Variants in PIGK observed in about 807,000 individuals in gnomAD.
PIGK encodes GPI-anchor transamidase.
In PIGK, 42 loss-of-function variants were observed where a neutral mutation model predicts 50.6. The ratio of observed to expected loss-of-function variants is 0.83; its 90% CI spans 0.65 to 1.07. The LOEUF is 1.07. Among genes scored for constraint, PIGK ranks in the 50% least tolerant of loss-of-function variants. The pLI, the probability that PIGK is intolerant of heterozygous loss-of-function variation, is 0.00. For synonymous variants in PIGK, 151 were observed against 156.0 expected, an observed-to-expected ratio of 0.97 and a Z score of 0.24; for missense variants, 448 against 488.7, an observed-to-expected ratio of 0.92 and a Z score of 0.78.
chr1:77,104,701 C>T (rs11162272), intron 10 of PIGK, among the ~76,000 whole-genome samples: 26,726 of 152,120 alleles, frequency 0.18, 2,544 homozygotes, highest in East Asian at 0.36. Flanking sequence ...GCAACACAGG[C>T]ACCCTGTTTA....
At chr1:77,185,040 C>A (rs965647849) in intron 3 of PIGK, among the ~76,000 whole-genome samples, 1 of 152,148 alleles carries the variant, frequency 6.6e-6, no homozygotes, top group Non-Finnish European at 1.5e-5. Context: ...AACCAAGTGG[C>A]GACTCCAATT....
intron 3 of PIGK, among the ~76,000 whole-genome samples, chr1:77,191,054 C>T (rs776666282): frequency 3.9e-5 from 6 of 152,304 alleles, no homozygotes; most frequent in South Asian, 4.1e-4. Flanking sequence ...CATTGCTTAA[C>T]TCCCCACTAA....
chr1:77,117,626 T>C (rs187859230), intron 10 of PIGK, among the ~76,000 whole-genome samples: 2 of 152,330 alleles, frequency 1.3e-5, no homozygotes, highest in East Asian at 3.9e-4. Context: ...GGCTGGTTCT[T>C]ATAGGGCTCC....
At chr1:77,147,672 AAG>A (rs1159754711) in intron 9 of PIGK, among the ~76,000 whole-genome samples, 1 of 152,208 alleles carries the variant, frequency 6.6e-6, no homozygotes, top group Non-Finnish European at 1.5e-5. Flanking sequence ...TTTGAAGAGG[AAG>A]AGAGTTTATC....
intron 10 of PIGK, among the ~76,000 whole-genome samples, chr1:77,101,709 A>T (rs1054618245): frequency 3.9e-5 from 6 of 152,176 alleles, no homozygotes; most frequent in African/African-American, 1.4e-4. Flanking sequence ...GTCATAAATT[A>T]AAAAATATTC....
chr1:77,206,651 AC>A lies in PIGK; in HGVS notation c.227del (p.Gly76ValfsTer9). 1 of 1,592,310 alleles carries A rather than the reference AC, an allele frequency of 6.3e-7. No individual in the cohort carries two copies. Among genetic ancestry groups the A allele is most frequent in the Non-Finnish European group, 8.6e-7 (1 of 1,160,558 alleles). On this transcript the variant is annotated frameshift_variant, in exon 3 of 11. Coordinates refer to ENST00000370812, the MANE Select transcript of PIGK (RefSeq NM_005482.3). LOFTEE classifies it high-confidence loss of function. ...TTAAGGCTTCTTACCTGTCAGGAAT[AC>A]CTAGCCTCTTGACACTTCTATAAAC... Reference protein sequence around the residue: ...LSVYRSVKRLGIPDSHIVLML... With the variant: ...LSVYRSVKRLXIPDSHIVLML...
chr1:77,214,292 A>G (rs12401794), intron 1 of PIGK, among the ~76,000 whole-genome samples: 26,584 of 152,180 alleles, frequency 0.17, 2,518 homozygotes, highest in East Asian at 0.36. Flanking sequence ...ACAAAATACT[A>G]GCAAACTGAA....
At chr1:77,156,768 A>T (rs1341732484) in intron 8 of PIGK, among the ~76,000 whole-genome samples, 4 of 152,178 alleles carry the variant, frequency 2.6e-5, no homozygotes, top group Non-Finnish European at 5.9e-5. Context: ...AACCATATAA[A>T]TTGCATTGTT....
At chr1:77,148,776 G>A (rs758814850) in intron 9 of PIGK, among the ~76,000 whole-genome samples, 2 of 151,390 alleles carry the variant, frequency 1.3e-5, no homozygotes, top group Admixed American at 6.6e-5. Context: ...GTGCAGTGGC[G>A]CGATCTCGGC....
chr1:77,162,169 T>C (rs749945559), intron 6 of PIGK, among the ~76,000 whole-genome samples: 42 of 152,242 alleles, frequency 2.8e-4, no homozygotes, highest in South Asian at 6.2e-4. Flanking sequence ...GTGCCTACAA[T>C]GTGCCTGATA....
chr1:77,215,084 C>T (rs1336424708), intron 1 of PIGK, among the ~76,000 whole-genome samples: 2 of 152,118 alleles, frequency 1.3e-5, no homozygotes, highest in African/African-American at 4.8e-5. Context: ...CTAAAGTGAT[C>T]TACAGTTCAA....
At chr1:77,218,120 T>G (rs897047548) in intron 1 of PIGK, among the ~76,000 whole-genome samples, 2 of 152,208 alleles carry the variant, frequency 1.3e-5, no homozygotes, top group Admixed American at 6.5e-5. Flanking sequence ...AGTCCACTGG[T>G]CTAAGCTCAA....
intron 9 of PIGK, among the ~76,000 whole-genome samples, chr1:77,125,274 G>A (rs757984979): frequency 1.4e-4 from 22 of 152,008 alleles, no homozygotes; most frequent in South Asian, 6.2e-4. Flanking sequence ...TTATTTTCAC[G>A]GAAACATTTA....
At chr1:77,159,019 T>C (rs1655073846) in intron 8 of PIGK, among the ~76,000 whole-genome samples, 1 of 152,136 alleles carries the variant, frequency 6.6e-6, no homozygotes, top group South Asian at 2.1e-4. Flanking sequence ...GTCAGAGACC[T>C]TCACAGCAGC....
chr1:77,143,904 T>C (rs1654710616), intron 9 of PIGK, among the ~76,000 whole-genome samples: 1 of 152,106 alleles, frequency 6.6e-6, no homozygotes, highest in African/African-American at 2.4e-5. Flanking sequence ...GTTCTCTCAA[T>C]AATACTTAAC....
chr1:77,149,647 T>G (rs1654849945), intron 9 of PIGK, among the ~76,000 whole-genome samples: 1 of 152,070 alleles, frequency 6.6e-6, no homozygotes, highest in Non-Finnish European at 1.5e-5. Flanking sequence ...AATACAATAA[T>G]AGTATAGCAC....
At chr1:77,118,122 A>T (rs1654019858) in intron 10 of PIGK, among the ~76,000 whole-genome samples, 1 of 152,208 alleles carries the variant, frequency 6.6e-6, no homozygotes, top group South Asian at 2.1e-4. Flanking sequence ...TGTCTGTGTG[A>T]GTCTATGTAA....
chr1:77,143,602 C>G (rs1654706018), intron 9 of PIGK, among the ~76,000 whole-genome samples: 1 of 152,010 alleles, frequency 6.6e-6, no homozygotes. Flanking sequence ...TTTTCTCTAC[C>G]AGTTGCCTGA....
chr1:77,106,537 A>G (rs1391649059), intron 10 of PIGK, among the ~76,000 whole-genome samples: 4 of 152,192 alleles, frequency 2.6e-5, no homozygotes, highest in African/African-American at 9.6e-5. Flanking sequence ...ACAAATGTTT[A>G]ACATATTTGT....
Sources: allele counts gnomAD v4.1 joint callset (sites outside exome capture counted in the v4.1 genomes callset), GRCh38; gene constraint gnomAD v4.1.1; transcripts MANE v1.5; gene names NCBI Gene and HGNC (gene_info 2026-07-23, HGNC 2026-07-21).